PHAF1: variants seen among roughly 807,000 people sequenced by gnomAD.
PHAF1 encodes the protein phagosome assembly factor 1.
PHAF1 carries 23 observed loss-of-function variants against 63.1 expected under a neutral mutation model. The ratio of observed to expected loss-of-function variants is 0.36; its 90% confidence interval spans 0.26 to 0.52. The LOEUF is 0.52. Among genes scored for constraint, PHAF1 ranks in the 20% least tolerant of loss-of-function variants. The probability of loss-of-function intolerance (pLI) is 0.93; values close to 1 mark genes in which losing one functional copy is unlikely to be tolerated. For synonymous variants in PHAF1, 167 were observed against 185.0 expected (o/e 0.90, Z 0.79); for missense variants, 427 against 517.2 (o/e 0.83, Z 1.69).
chr16:67,146,184 TGGCCAGTATCC>T, intron 14 of PHAF1, 83 bp from the exon 15 acceptor site: 10 of 1,111,094 alleles, frequency 9.0e-6, no homozygotes, highest in Non-Finnish European at 1.2e-5. Context: ...GAGAGACTAC[TGGCCAGTATCC>T]CATACCCCAG....
chr16:67,131,526 T>A (rs1423694493), intron 4 of PHAF1, among the ~76,000 whole-genome samples, 197 bp downstream of exon 4: 1 of 152,238 alleles, frequency 6.6e-6, no homozygotes, highest in Non-Finnish European at 1.5e-5. Context: ...ATGTGATGTG[T>A]TTAACACTTC....
intron 5 of PHAF1, 130 bp downstream of exon 5, chr16:67,132,655 G>A (rs999296518): frequency 4.8e-6 from 6 of 1,240,058 alleles, no homozygotes; most frequent in African/African-American, 1.5e-5. Context: ...GTACTTGGGT[G>A]TGAAGGAAAC....
In PHAF1 at chr16:67,145,394, C is replaced by G. The variant is rs2029960485; in HGVS notation, c.1025C>G (p.Thr342Arg). 9 of 1,614,076 alleles carry G rather than the reference C, an allele frequency of 5.6e-6. No individual in the cohort carries two copies. Among genetic ancestry groups the G allele is most frequent in the Admixed American group, 1.7e-5 (1 of 60,010 alleles). Residue 342 changes from threonine (T) to arginine (R), a missense_variant, in exon 13 of 16, where the codon ACA (threonine) becomes AGA (arginine). Physicochemically the swap from Thr to Arg is moderately conservative, Grantham distance 71. Coordinates refer to ENST00000219139, the MANE Select transcript of PHAF1 (RefSeq NM_025187.5). ...AIKKENADGQTETCTTYSKWD... is the reference protein window; with the variant it reads ...AIKKENADGQRETCTTYSKWD... The stretch of plus-strand genomic sequence containing the variant: ...TTTTCAGAAAACGCAGATGGTCAGA[C>G]AGAAACATGCACGACCTACAGCAAG...
chr16:67,115,034 T>C (rs1016217983), intron 1 of PHAF1, among the ~76,000 whole-genome samples: 13 of 152,170 alleles, frequency 8.5e-5, no homozygotes, highest in Admixed American at 5.9e-4. Flanking sequence ...AGAAGAAACA[T>C]AGCCTATTGG....
At chr16:67,143,309 G>C (rs1349781617) in intron 10 of PHAF1, among the ~76,000 whole-genome samples, 2 of 152,118 alleles carry the variant, frequency 1.3e-5, no homozygotes, top group African/African-American at 4.8e-5. Context: ...GGCCAAGGTG[G>C]GTGGATCACC....
chr16:67,134,736 A>G, intron 8 of PHAF1: 1 of 558,156 alleles, frequency 1.8e-6, no homozygotes, highest in African/African-American at 1.9e-5. Context: ...CATATGGTGC[A>G]AGGGGCTAGT....
chr16:67,133,696 C>A (rs58231538), intron 6 of PHAF1, among the ~76,000 whole-genome samples: 1 of 150,996 alleles, frequency 6.6e-6, no homozygotes, highest in Admixed American at 6.6e-5. Flanking sequence ...AGGAGAATGG[C>A]GTGAACCCGG....
intron 3 of PHAF1, among the ~76,000 whole-genome samples, chr16:67,128,563 T>A (rs1304609789): frequency 3.0e-4 from 46 of 152,234 alleles, no homozygotes; most frequent in Admixed American, 3.0e-3. Flanking sequence ...GGAATGAGGC[T>A]TTATAAGTCA....
chr16:67,113,421 T>C (rs1378955092), intron 1 of PHAF1, among the ~76,000 whole-genome samples: 1 of 152,080 alleles, frequency 6.6e-6, no homozygotes, highest in East Asian at 1.9e-4. Flanking sequence ...AGTGCAGATT[T>C]GAAATGTTTT....
Position 67,132,809 on chromosome 16 carries a change from C to G in PHAF1, c.356-8C>G, listed in dbSNP as rs769158533. On this transcript the variant is annotated splice_polypyrimidine_tract_variant and splice_region_variant and intron_variant, in intron 5 of 15. Coordinates refer to ENST00000219139, the MANE Select transcript of PHAF1 (RefSeq NM_025187.5). ...CCATGTTATTTTCTTCTCCCCCACCCCCAACAGTGTACAACTCCGCTGAGC... is the reference window on the plus strand; with the variant it reads ...CCATGTTATTTTCTTCTCCCCCACCGCCAACAGTGTACAACTCCGCTGAGC... The G allele has an allele frequency of 1.2e-6, 2 of 1,604,642 alleles. No homozygotes were observed. The highest frequency in any genetic ancestry group is 1.3e-5 in the African/African-American group (1 of 74,706).
intron 15 of PHAF1, among the ~76,000 whole-genome samples, chr16:67,146,823 A>G (rs1201052788): frequency 2.0e-5 from 3 of 152,196 alleles, no homozygotes; most frequent in African/African-American, 7.2e-5. Flanking sequence ...CAGTTCCAGA[A>G]GGACTGGACA....
At chr16:67,136,781 A>G (rs952079757) in intron 8 of PHAF1, among the ~76,000 whole-genome samples, 57 of 151,824 alleles carry the variant, frequency 3.8e-4, no homozygotes, top group African/African-American at 1.3e-3. Context: ...TGGTCTCCCT[A>G]TGTTGCCCAG....
intron 4 of PHAF1, among the ~76,000 whole-genome samples, chr16:67,131,634 A>G (rs1224105080): frequency 1.3e-5 from 2 of 152,260 alleles, no homozygotes; most frequent in African/African-American, 4.8e-5. Flanking sequence ...TCCCGCTGAC[A>G]GCCTCTCTTG....
At chr16:67,133,700 A>G (rs1047048489) in intron 6 of PHAF1, among the ~76,000 whole-genome samples, 1 of 151,802 alleles carries the variant, frequency 6.6e-6, no homozygotes, top group Non-Finnish European at 1.5e-5. Context: ...GAATGGCGTG[A>G]ACCCGGGAGG....
intron 2 of PHAF1, among the ~76,000 whole-genome samples, chr16:67,121,998 AG>A (rs1246464597): frequency 3.7e-4 from 57 of 152,266 alleles, no homozygotes; most frequent in African/African-American, 1.3e-3. Flanking sequence ...CCTAGGCTCA[AG>A]TGATCCTCCC....
At chr16:67,115,709 C>T (rs1227949681) in intron 1 of PHAF1, among the ~76,000 whole-genome samples, 1 of 152,192 alleles carries the variant, frequency 6.6e-6, no homozygotes, top group Non-Finnish European at 1.5e-5. Context: ...AGAGATCTTT[C>T]GTAGCCCTCC....
chr16:67,141,310 C>T (rs1019738077), intron 10 of PHAF1, among the ~76,000 whole-genome samples: 1 of 152,134 alleles, frequency 6.6e-6, no homozygotes, highest in Non-Finnish European at 1.5e-5. Flanking sequence ...AGCTGATGTC[C>T]GGTCATGAAC....
intron 2 of PHAF1, among the ~76,000 whole-genome samples, chr16:67,125,505 T>C (rs1041874762): frequency 2.0e-5 from 3 of 152,204 alleles, no homozygotes; most frequent in Middle Eastern, 3.2e-3. Context: ...TGAGTGTGAA[T>C]GGATGTAGGT....
At chr16:67,128,312 A>T (rs917050950) in intron 3 of PHAF1, among the ~76,000 whole-genome samples, 1 of 152,206 alleles carries the variant, frequency 6.6e-6, no homozygotes, top group Non-Finnish European at 1.5e-5. Flanking sequence ...AAAGGAGATA[A>T]AATCAAACCG....
Sources: gnomAD v4.1 joint callset for allele counts (sites outside exome capture counted in the v4.1 genomes callset) on GRCh38, gnomAD v4.1.1 for gene constraint, MANE v1.5 for transcripts, NCBI Gene and HGNC (gene_info 2026-07-23, HGNC 2026-07-21) for gene names.